SDK1: variants seen among roughly 807,000 people sequenced by gnomAD.
SDK1 encodes sidekick cell adhesion molecule 1.
In SDK1, 157 loss-of-function variants were observed where a neutral mutation model predicts 245.5. The ratio of observed to expected loss-of-function variants is 0.64; its 90% CI spans 0.56 to 0.73. The LOEUF (loss-of-function observed/expected upper bound fraction) is 0.73. Among genes scored for constraint, SDK1 ranks in the 30% least tolerant of loss-of-function variants. The probability of loss-of-function intolerance (pLI) is 0.00; values close to 1 mark genes in which losing one functional copy is unlikely to be tolerated. For missense variants in SDK1, 3,583 were observed against 3,002.3 expected (o/e 1.19, Z -4.52); for synonymous variants, 1,647 against 1,278.5 (o/e 1.29, Z -6.15).
chr7:4,247,201 G>C (rs1786928741), intron 44 of SDK1, among the ~76,000 whole-genome samples: 1 of 152,144 alleles, frequency 6.6e-6, no homozygotes, highest in Non-Finnish European at 1.5e-5. Flanking sequence ...AGGCCTTATT[G>C]AGCCCCGGGG....
intron 4 of SDK1, among the ~76,000 whole-genome samples, chr7:3,719,712 C>T (rs1785308448): frequency 1.3e-5 from 2 of 152,072 alleles, no homozygotes; most frequent in African/African-American, 4.8e-5. Flanking sequence ...GGTGTGGTGG[C>T]TCACGCCTGT....
chr7:4,211,144 T>TC (rs911359455), intron 38 of SDK1, among the ~76,000 whole-genome samples: 2 of 151,800 alleles, frequency 1.3e-5, no homozygotes, highest in African/African-American at 4.8e-5. Context: ...TCGGGCCCAA[T>TC]CCCCCGTCTC....
chr7:3,807,534 G>C (rs150573253), intron 4 of SDK1, among the ~76,000 whole-genome samples: 2 of 152,280 alleles, frequency 1.3e-5, no homozygotes, highest in East Asian at 3.9e-4. Context: ...TATCTGATTG[G>C]AGACCTATAG....
intron 4 of SDK1, among the ~76,000 whole-genome samples, chr7:3,674,286 C>T (rs950364100): frequency 9.9e-5 from 15 of 151,960 alleles, no homozygotes; most frequent in South Asian, 2.1e-4. Context: ...TGAGAAGAGG[C>T]GGGTGGAGTG....
intron 14 of SDK1, among the ~76,000 whole-genome samples, chr7:3,996,751 T>A (rs1003136765): frequency 6.6e-6 from 1 of 152,248 alleles, no homozygotes; most frequent in African/African-American, 2.4e-5. Context: ...TTGCTCTTCT[T>A]TGCTTTCAAG....
chr7:3,453,963 G>A (rs1010796612), intron 1 of SDK1, among the ~76,000 whole-genome samples: 5 of 152,058 alleles, frequency 3.3e-5, no homozygotes, highest in South Asian at 2.1e-4. Context: ...TACAATGTAC[G>A]ACTGGTTTTG....
At chr7:4,238,978 T>C (rs886889071) in intron 42 of SDK1, among the ~76,000 whole-genome samples, 3 of 152,188 alleles carry the variant, frequency 2.0e-5, no homozygotes, top group Non-Finnish European at 2.9e-5. Flanking sequence ...GCTCAGAGAC[T>C]GTCACAGAAG....
intron 44 of SDK1, among the ~76,000 whole-genome samples, chr7:4,251,404 A>C (rs908388766): frequency 6.6e-5 from 10 of 152,224 alleles, no homozygotes; most frequent in Middle Eastern, 3.2e-3. Context: ...GTCTTCTCCT[A>C]TAGAGGCACA....
At chr7:3,482,224 G>T (rs1781543439) in intron 1 of SDK1, among the ~76,000 whole-genome samples, 1 of 152,166 alleles carries the variant, frequency 6.6e-6, no homozygotes, top group Non-Finnish European at 1.5e-5. Context: ...AAAAATATTA[G>T]AGGAGAGATG....
chr7:3,744,120 T>G (rs1215086914), intron 4 of SDK1, among the ~76,000 whole-genome samples: 1 of 152,118 alleles, frequency 6.6e-6, no homozygotes, highest in Non-Finnish European at 1.5e-5. Flanking sequence ...CGCTTGCTGT[T>G]CATCTGCCTT....
At chr7:3,435,276 C>T (rs1190792383) in intron 1 of SDK1, among the ~76,000 whole-genome samples, 1 of 145,312 alleles carries the variant, frequency 6.9e-6, no homozygotes, top group East Asian at 2.1e-4. Context: ...CCAGTGTGAT[C>T]ACCAAATCCA....
intron 1 of SDK1, among the ~76,000 whole-genome samples, chr7:3,520,299 G>A (rs1025407260): frequency 6.6e-6 from 1 of 152,152 alleles, no homozygotes; most frequent in East Asian, 1.9e-4. Flanking sequence ...CGGTTTCAAT[G>A]ATTTATCTAT....
chr7:3,889,296 T>C lies in SDK1; in HGVS notation c.848-61627T>C, dbSNP rs574086510. On this transcript the variant is annotated intron_variant, in intron 5 of 44. Coordinates refer to ENST00000404826, the MANE Select transcript of SDK1 (RefSeq NM_152744.4). ...CATTGGTGAAGCTGGCAGCACATCG[T>C]GAGAGGAGGCCATTCTCCCTGTCCT... Among the ~76,000 whole-genome samples, 65 of 152,308 alleles carry C rather than the reference T, an allele frequency of 4.3e-4. 1 individual carries two copies. The highest frequency in any genetic ancestry group is 1.6e-3 in the African/African-American group (65 of 41,566).
chr7:3,361,226 G>C (rs1780943503), intron 1 of SDK1, among the ~76,000 whole-genome samples: 1 of 152,182 alleles, frequency 6.6e-6, no homozygotes, highest in African/African-American at 2.4e-5. Context: ...CGGGAGGATT[G>C]CACTCGCATC....
intron 5 of SDK1, among the ~76,000 whole-genome samples, chr7:3,847,082 G>C (rs1780299071): frequency 6.6e-6 from 1 of 151,448 alleles, no homozygotes; most frequent in African/African-American, 2.4e-5. Context: ...TTCCCATTAA[G>C]CATTGTTCTT....
intron 1 of SDK1, among the ~76,000 whole-genome samples, chr7:3,562,233 C>G (rs147180289): frequency 6.6e-6 from 1 of 152,344 alleles, no homozygotes; most frequent in Non-Finnish European, 1.5e-5. Flanking sequence ...CCGTATTCTA[C>G]CGTTTCCAAA....
intron 5 of SDK1, among the ~76,000 whole-genome samples, chr7:3,839,103 A>T (rs971437140): frequency 6.6e-6 from 1 of 151,766 alleles, no homozygotes; most frequent in Non-Finnish European, 1.5e-5. Flanking sequence ...TTCCATGTGT[A>T]CTCTTTCCTG....
intron 13 of SDK1, 48 bp downstream of exon 13, chr7:3,974,593 T>C: frequency 6.4e-7 from 1 of 1,573,316 alleles, no homozygotes; most frequent in Non-Finnish European, 8.7e-7. Flanking sequence ...TTTTCTCCGT[T>C]ACTGTGCCCC....
chr7:4,233,299 G>A lies in SDK1; in HGVS notation c.5872G>A (p.Ala1958Thr), dbSNP rs144039473. 2.5e-5 allele frequency: 40 copies of A among 1,613,750 alleles called. No individual in the cohort carries two copies. Among genetic ancestry groups the A allele is most frequent in the Admixed American group, 2.2e-4 (13 of 60,006 alleles). Residue 1958 changes from alanine (A) to threonine (T), a missense_variant, in exon 41 of 45, where the codon GCC becomes ACC. Transcript: ENST00000404826. ...DMFVKDIPRS[A>T]TSYTLSLDKL... is the part of the protein sequence containing the mutation. ...GTTTGTGAAGGACATCCCGCGGAGC[G>A]CCACATCCTACACCCTCAGCCTGGA... is the stretch of plus-strand genomic sequence containing the variant.
Sources: gnomAD v4.1 joint callset for allele counts (sites outside exome capture counted in the v4.1 genomes callset) on GRCh38, gnomAD v4.1.1 for gene constraint, MANE v1.5 for transcripts, NCBI Gene and HGNC (gene_info 2026-07-23, HGNC 2026-07-21) for gene names.